The following SLC14A2 variants were observed in gnomAD, a reference collection of about 807,000 sequenced individuals.
The protein encoded by SLC14A2 is urea transporter 2.
A neutral mutation model predicts 104.6 loss-of-function variants in SLC14A2; 91 were observed. That is an observed-to-expected ratio of 0.87 (90% CI 0.73 to 1.04). SLC14A2 has a LOEUF of 1.04. Among genes scored for constraint, SLC14A2 ranks in the 50% least tolerant of loss-of-function variants. The pLI, the probability that SLC14A2 is intolerant of heterozygous loss-of-function variation, is 0.00. For synonymous variants in SLC14A2, 476 were observed against 466.4 expected (o/e 1.02, Z -0.27); for missense variants, 1,189 against 1,156.0 (o/e 1.03, Z -0.41).
intron 1 of SLC14A2, among the ~76,000 whole-genome samples, chr18:45,381,453 C>T (rs1276424123): frequency 2.6e-5 from 4 of 152,122 alleles, no homozygotes; most frequent in Non-Finnish European, 4.4e-5. Flanking sequence ...CCACAGTCAC[C>T]CCAAACTGCA....
chr18:45,398,518 A>G (rs2086060754), intron 1 of SLC14A2, among the ~76,000 whole-genome samples: 2 of 150,056 alleles, frequency 1.3e-5, no homozygotes, highest in South Asian at 4.3e-4. Flanking sequence ...AGCATTACTC[A>G]TAATAGCTTA....
intron 1 of SLC14A2, among the ~76,000 whole-genome samples, chr18:45,619,525 G>A (rs1465697762): frequency 6.6e-6 from 1 of 152,228 alleles, no homozygotes; most frequent in Non-Finnish European, 1.5e-5. Flanking sequence ...CCTGGTTTTT[G>A]GAGAGACGTG....
intron 1 of SLC14A2, among the ~76,000 whole-genome samples, chr18:45,294,207 C>T (rs1161282106): frequency 6.6e-6 from 1 of 151,504 alleles, no homozygotes; most frequent in African/African-American, 2.4e-5. Context: ...TGTGCTTTTC[C>T]CTTGTGTGGG....
At chr18:45,174,316 C>T in the SLC14A2 span, among the ~76,000 whole-genome samples, 6 of 152,196 alleles carry the variant, frequency 3.9e-5, no homozygotes, top group African/African-American at 1.4e-4. Flanking sequence ...TGATGGATTT[C>T]CAGGTGACTG....
At chr18:45,506,459 A>G (rs938855428) in intron 2 of SLC14A2, among the ~76,000 whole-genome samples, 1 of 152,218 alleles carries the variant, frequency 6.6e-6, no homozygotes, top group Non-Finnish European at 1.5e-5. Flanking sequence ...TGGAATGTGA[A>G]TTTATTTGGA....
At chr18:45,247,915 T>G (rs1357974470) in intron 1 of SLC14A2, among the ~76,000 whole-genome samples, 4 of 152,122 alleles carry the variant, frequency 2.6e-5, no homozygotes, top group Admixed American at 6.6e-5. Flanking sequence ...GGAATTACAA[T>G]TCCTGATTCC....
chr18:45,453,258 AGGCTCCCCTCT>A (rs1207837375), intron 1 of SLC14A2, among the ~76,000 whole-genome samples: 2 of 152,116 alleles, frequency 1.3e-5, no homozygotes, highest in African/African-American at 4.8e-5. Context: ...GAATGGCAGG[AGGCTCCCCTCT>A]GCCTTTAGCT....
At chr18:45,186,762 C>T in the SLC14A2 span, among the ~76,000 whole-genome samples, 3 of 152,104 alleles carry the variant, frequency 2.0e-5, no homozygotes, top group Non-Finnish European at 4.4e-5. Flanking sequence ...AAGGTGGTTG[C>T]AATGAATTGT....
chr18:45,491,147 A>G (rs2042991558), intron 2 of SLC14A2, among the ~76,000 whole-genome samples: 1 of 152,240 alleles, frequency 6.6e-6, no homozygotes, highest in African/African-American at 2.4e-5. Context: ...GTAATAGGAC[A>G]GGTAAGAGGA....
rs527861813 is a variant in SLC14A2, at chr18:45,682,576, C to A, written c.*57C>A. ...TCAGGCTTCAGCACGCCGTCCAGAT[C>A]CCCAGGATAAGAGACCACTTAGCCT... On this transcript the variant is annotated 3_prime_UTR_variant, in exon 20 of 20. Transcript: ENST00000255226. 2.8e-6 allele frequency: 4 copies of A among 1,433,104 alleles called. No individual in the cohort carries two copies. The South Asian group carries it at 3.4e-5, about 12-fold the overall frequency. The allele number at this position is 1,433,104 out of a possible 1,614,324, so 88.8% of individuals were successfully genotyped here.
intron 5 of SLC14A2, among the ~76,000 whole-genome samples, chr18:45,636,080 G>A (rs754726776): frequency 3.9e-5 from 6 of 152,244 alleles, no homozygotes; most frequent in Non-Finnish European, 8.8e-5. Context: ...AAAGATTTGA[G>A]AAGAAAGGTG....
chr18:45,300,297 T>A (rs993314311), intron 1 of SLC14A2, among the ~76,000 whole-genome samples: 1 of 152,212 alleles, frequency 6.6e-6, no homozygotes, highest in Non-Finnish European at 1.5e-5. Flanking sequence ...GACTGCTGTA[T>A]CTTCATTTTA....
At chr18:45,549,820 C>T (rs2044031052) in intron 2 of SLC14A2, among the ~76,000 whole-genome samples, 1 of 152,130 alleles carries the variant, frequency 6.6e-6, no homozygotes, top group Admixed American at 6.5e-5. Context: ...GCCTCATAAC[C>T]ATCCAGTACA....
chr18:45,259,220 A>C (rs1243709501), intron 1 of SLC14A2, among the ~76,000 whole-genome samples: 1 of 152,218 alleles, frequency 6.6e-6, no homozygotes, highest in Non-Finnish European at 1.5e-5. Context: ...ACTCTGGAAT[A>C]ATTTTTAGGG....
intron 2 of SLC14A2, among the ~76,000 whole-genome samples, chr18:45,597,359 G>C (rs1473186207): frequency 1.3e-5 from 2 of 151,342 alleles, no homozygotes; most frequent in African/African-American, 4.9e-5. Flanking sequence ...AGAAAGAAAA[G>C]AAATGGAGTT....
At chr18:45,486,047 G>A (rs1016396394) in intron 2 of SLC14A2, among the ~76,000 whole-genome samples, 1 of 152,128 alleles carries the variant, frequency 6.6e-6, no homozygotes, top group Admixed American at 6.5e-5. Context: ...AGAACTTGAG[G>A]CTCAAATCAG....
intron 1 of SLC14A2, among the ~76,000 whole-genome samples, chr18:45,296,029 C>G (rs1341645512): frequency 1.3e-5 from 2 of 152,112 alleles, no homozygotes; most frequent in East Asian, 3.8e-4. Context: ...TATTTTTACT[C>G]TTACTATTTC....
chr18:45,263,869 C>T (rs2084564918), intron 1 of SLC14A2, among the ~76,000 whole-genome samples: 1 of 152,130 alleles, frequency 6.6e-6, no homozygotes, highest in Non-Finnish European at 1.5e-5. Flanking sequence ...TGGAATCAAC[C>T]AGGTCTCCAA....
intron 1 of SLC14A2, among the ~76,000 whole-genome samples, chr18:45,336,064 C>G (rs941828799): frequency 3.9e-5 from 6 of 152,068 alleles, no homozygotes; most frequent in African/African-American, 1.2e-4. Context: ...GGTTTTTTAA[C>G]GTGGCTGTTT....
Sources: gnomAD v4.1 joint callset for allele counts (sites outside exome capture counted in the v4.1 genomes callset) on GRCh38, gnomAD v4.1.1 for gene constraint, MANE v1.5 for transcripts, NCBI Gene and HGNC (gene_info 2026-07-23, HGNC 2026-07-21) for gene names.